The following DUSP22 variants were observed in gnomAD, a reference collection of about 807,000 sequenced individuals.
The protein encoded by DUSP22 is dual specificity phosphatase 22, also known as dual specificity protein phosphatase 22.
DUSP22 carries 24 observed loss-of-function variants against 24.5 expected under a neutral mutation model. That is an observed-to-expected ratio of 0.98 (90% CI 0.71 to 1.38). The LOEUF (loss-of-function observed/expected upper bound fraction) is 1.38, where lower values mean the gene tolerates loss of function less well. Ranked by LOEUF, DUSP22 falls within the 40% of genes most tolerant of loss-of-function variation. The pLI, the probability that DUSP22 is intolerant of heterozygous loss-of-function variation, is 0.00. For missense variants in DUSP22, 330 were observed against 269.2 expected, an observed-to-expected ratio of 1.23 and a Z score of -1.58; for synonymous variants, 160 against 106.4, an observed-to-expected ratio of 1.50 and a Z score of -3.10.
chr6:350,642 C>T lies in DUSP22; in HGVS notation c.*1691C>T. On this transcript the variant is annotated 3_prime_UTR_variant, in exon 7 of 7. Coordinates refer to ENST00000419235, the MANE Select transcript of DUSP22 (RefSeq NM_001286555.3). ...ATCATCCATCCGTCTACAGCTAAAA[C>T]AATTTGCCAATAAAGTACATGTTTT... The T allele has an allele frequency of 1.3e-6, 2 of 1,485,952 alleles. No homozygotes were observed. Among genetic ancestry groups the T allele is most frequent in the South Asian group, 2.8e-5 (2 of 71,684 alleles). The allele number at this position is 1,485,952 out of a possible 1,614,324, so 92.0% of individuals were successfully genotyped here. A position where few individuals can be genotyped will look rare whatever the true frequency, so the allele number is the denominator to read the frequency against.
intron 2 of DUSP22, among the ~76,000 whole-genome samples, chr6:305,501 C>G (rs1236981624): frequency 6.6e-6 from 1 of 152,308 alleles, no homozygotes; most frequent in Non-Finnish European, 1.5e-5. Flanking sequence ...GTGACAATTT[C>G]ATCTCTGGCA....
At chr6:343,426 G>T (rs1262167122) in intron 4 of DUSP22, among the ~76,000 whole-genome samples, 1 of 152,256 alleles carries the variant, frequency 6.6e-6, no homozygotes, top group Non-Finnish European at 1.5e-5. Flanking sequence ...CACCCTCCTT[G>T]GTCTCCCAGT....
intron 4 of DUSP22, among the ~76,000 whole-genome samples, chr6:338,382 A>G (rs1165627257): frequency 1.3e-5 from 2 of 152,302 alleles, no homozygotes; most frequent in African/African-American, 4.8e-5. Flanking sequence ...AATGGTGAGC[A>G]TATTTTCACC....
intron 2 of DUSP22, among the ~76,000 whole-genome samples, chr6:308,625 T>A (rs1051055001): frequency 6.6e-6 from 1 of 152,302 alleles, no homozygotes; most frequent in African/African-American, 2.4e-5. Context: ...TATGCTTTTT[T>A]CCCCAGGCCA....
rs140808686 is a variant in DUSP22, at chr6:345,904, G to A, written c.239G>A (p.Arg80His). The change falls in exon 5 of 7, where the codon CGC becomes CAC. Residue 80 changes from arginine to histidine, a missense_variant. Physicochemically the swap from Arg to His is conservative, Grantham distance 29. Coordinates refer to ENST00000419235, the MANE Select transcript of DUSP22 (RefSeq NM_001286555.3). ...AAATTCATTCACGAGTGCCGGCTCC[G>A]CGGTGAGAGCTGCCTTGTACACTGG... ...SIKFIHECRL[R>H]GESCLVHCLA... The A allele has an allele frequency of 1.8e-4, 296 of 1,614,050 alleles. No homozygotes were observed. Among genetic ancestry groups the A allele is most frequent in the Middle Eastern group, 1.2e-3 (7 of 6,058 alleles).
rs577432733 is a variant in DUSP22 at position 336,722 on chromosome 6, T to C, written c.188+1559T>C. ...AAAGGTGAACGTTTAAGATTGAGGA[T>C]GGTGGAGGGGGGATTTTCCTAGGAA... On this transcript the variant is annotated intron_variant, in intron 4 of 6. Transcript: ENST00000419235. Among the ~76,000 whole-genome samples, 10 of 152,392 alleles carry C rather than the reference T, an allele frequency of 6.6e-5. No individual in the cohort carries two copies. In the South Asian group the frequency reaches 1.4e-3, roughly 22 times the overall value.
intron 2 of DUSP22, among the ~76,000 whole-genome samples, chr6:304,978 T>G (rs1757755955): frequency 6.6e-6 from 1 of 152,310 alleles, no homozygotes; most frequent in African/African-American, 2.4e-5. Flanking sequence ...CTTATTTTAC[T>G]GAGCACAGTG....
In DUSP22 at chr6:304,617, C is replaced by T; in HGVS notation, c.22-11C>T. On this transcript the variant is annotated splice_polypyrimidine_tract_variant and intron_variant, in intron 1 of 6. Coordinates refer to ENST00000419235, the MANE Select transcript of DUSP22 (RefSeq NM_001286555.3). Reference sequence around the variant, plus strand: ...CTGCCATGCTCATGTCTGTGTCTGTCTCTCTCCTAGATCCTGCCCGGCCTG... The same window carrying T: ...CTGCCATGCTCATGTCTGTGTCTGTTTCTCTCCTAGATCCTGCCCGGCCTG... 6.2e-7 allele frequency: 1 copy of T among 1,614,208 alleles called. No homozygotes were observed. Among genetic ancestry groups the T allele is most frequent in the Non-Finnish European group, 8.5e-7 (1 of 1,179,972 alleles).
Position 349,074 on chromosome 6 carries a change from G to A in DUSP22, c.*123G>A. ...GATAGCCAGGGCGAGGTGGGGCGAG[G>A]GCTCCTTCCCCCAAGCAACACCGCC... On this transcript the variant is annotated 3_prime_UTR_variant, in exon 7 of 7. Coordinates refer to ENST00000419235, the MANE Select transcript of DUSP22 (RefSeq NM_001286555.3). 4 of 1,475,330 alleles carry A rather than the reference G, an allele frequency of 2.7e-6. No individual in the cohort carries two copies. Among genetic ancestry groups the A allele is most frequent in the South Asian group, 1.4e-5 (1 of 72,266 alleles). The allele number at this position is 1,475,330 out of a possible 1,614,324, so 91.4% of individuals were successfully genotyped here. A position where few individuals can be genotyped will look rare whatever the true frequency, so the allele number is the denominator to read the frequency against.
chr6:297,001 G>A (rs1299191279), intron 1 of DUSP22, among the ~76,000 whole-genome samples: 1 of 152,310 alleles, frequency 6.6e-6, no homozygotes, highest in Non-Finnish European at 1.5e-5. Context: ...CTCTCATGGT[G>A]CTGGGAGGCC....
intron 3 of DUSP22, among the ~76,000 whole-genome samples, chr6:324,868 G>A (rs1270721389): frequency 5.3e-5 from 8 of 151,846 alleles, no homozygotes; most frequent in Non-Finnish European, 1.2e-4. Context: ...TCACCAGCGA[G>A]GGGCTCCGAG....
At chr6:305,350 CA>C (rs1757775076) in intron 2 of DUSP22, among the ~76,000 whole-genome samples, 1 of 152,308 alleles carries the variant, frequency 6.6e-6, no homozygotes, top group Non-Finnish European at 1.5e-5. Context: ...CCTGTTGGAA[CA>C]TTATCATCAA....
At chr6:341,513 C>A (rs981248165) in intron 4 of DUSP22, among the ~76,000 whole-genome samples, 2 of 152,308 alleles carry the variant, frequency 1.3e-5, no homozygotes, top group Non-Finnish European at 2.9e-5. Flanking sequence ...GCAGTGCGCT[C>A]GCCTGCCTCT....
Position 345,905 on chromosome 6 carries a change from C to T in DUSP22, c.240C>T (p.Arg80=), listed in dbSNP as rs144845390. Residue 80 remains arginine, a synonymous_variant, in exon 5 of 7, where the codon CGC becomes CGT. Transcript: ENST00000419235. ...AATTCATTCACGAGTGCCGGCTCCG[C>T]GGTGAGAGCTGCCTTGTACACTGGT... ...SIKFIHECRL[R]GESCLVHCLA... The T allele has an allele frequency of 5.0e-5, 81 of 1,614,020 alleles. No homozygotes were observed. The highest frequency in any genetic ancestry group is 1.9e-4 in the South Asian group (17 of 91,078).
chr6:341,078 G>A (rs1336261455), intron 4 of DUSP22, among the ~76,000 whole-genome samples: 1 of 152,306 alleles, frequency 6.6e-6, no homozygotes, highest in East Asian at 1.9e-4. Flanking sequence ...TGACTGGGCA[G>A]TTTGCGAGTC....
chr6:321,564 A>G (rs909756077), intron 3 of DUSP22, among the ~76,000 whole-genome samples: 5 of 152,304 alleles, frequency 3.3e-5, no homozygotes, highest in Non-Finnish European at 7.3e-5. Flanking sequence ...TGATCTGAAA[A>G]TCTTCCATAA....
chr6:317,426 G>A (rs1300474814), intron 3 of DUSP22, among the ~76,000 whole-genome samples: 1 of 152,310 alleles, frequency 6.6e-6, no homozygotes, highest in Non-Finnish European at 1.5e-5. Context: ...AAGAAGGCAT[G>A]TGTGTATTCT....
intron 2 of DUSP22, among the ~76,000 whole-genome samples, chr6:305,988 C>G (rs575048982): frequency 6.6e-6 from 1 of 152,308 alleles, no homozygotes; most frequent in Non-Finnish European, 1.5e-5. Context: ...CCCCAGCTCA[C>G]TATTAGGCCT....
At chr6:313,418 G>A (rs1277409177) in intron 3 of DUSP22, among the ~76,000 whole-genome samples, 4 of 152,312 alleles carry the variant, frequency 2.6e-5, no homozygotes, top group Non-Finnish European at 5.9e-5. Context: ...GAAACCACAG[G>A]CTAGCGAGTA....
Sources: gnomAD v4.1 joint callset for allele counts (sites outside exome capture counted in the v4.1 genomes callset) on GRCh38, gnomAD v4.1.1 for gene constraint, MANE v1.5 for transcripts, NCBI Gene and HGNC (gene_info 2026-07-23, HGNC 2026-07-21) for gene names.